Variants in MAP4K3 observed in about 807,000 individuals in gnomAD.
MAP4K3 encodes the protein MAPK/ERK kinase kinase kinase 3.
MAP4K3 carries 94 observed loss-of-function variants against 143.5 expected under a neutral mutation model. That is an observed-to-expected ratio of 0.65 (90% CI 0.55 to 0.78). The LOEUF (loss-of-function observed/expected upper bound fraction) is 0.78. Among genes scored for constraint, MAP4K3 ranks in the 30% least tolerant of loss-of-function variants. MAP4K3 has a pLI of 0.00. For synonymous variants in MAP4K3, 416 were observed against 347.2 expected (o/e 1.20, Z -2.20); for missense variants, 1,077 against 1,068.1 (o/e 1.01, Z -0.12).
chr2:39,436,822 G>T, intron 1 of MAP4K3, 70 bp downstream of exon 1: 2 of 1,371,940 alleles, frequency 1.5e-6, no homozygotes, highest in Non-Finnish European at 1.0e-6. Context: ...GGCGGCAAGG[G>T]CTCGGACGCC....
intron 29 of MAP4K3, among the ~76,000 whole-genome samples, chr2:39,259,183 G>A (rs912253988): frequency 6.6e-6 from 1 of 151,944 alleles, no homozygotes; most frequent in Non-Finnish European, 1.5e-5. Flanking sequence ...TTTAGAGATG[G>A]GGTCCTGCTA....
At chr2:39,262,876 G>A (rs922905298) in intron 28 of MAP4K3, among the ~76,000 whole-genome samples, 4 of 152,050 alleles carry the variant, frequency 2.6e-5, no homozygotes, top group Admixed American at 1.3e-4. Flanking sequence ...AGTATGACGC[G>A]GGTGGATCAC....
At chr2:39,395,419 T>C (rs1050240263) in intron 1 of MAP4K3, among the ~76,000 whole-genome samples, 3 of 152,174 alleles carry the variant, frequency 2.0e-5, no homozygotes, top group Non-Finnish European at 4.4e-5. Flanking sequence ...TTTTCCACTA[T>C]CTGATAATGC....
chr2:39,331,879 T>C (rs757223163), intron 8 of MAP4K3, 38 bp downstream of exon 8: 9 of 1,308,568 alleles, frequency 6.9e-6, no homozygotes, highest in East Asian at 4.7e-5. Context: ...CCAATAATGA[T>C]AGAACAAAGT....
chr2:39,305,905 C>CT (rs1241963238), intron 15 of MAP4K3, among the ~76,000 whole-genome samples: 1 of 151,924 alleles, frequency 6.6e-6, no homozygotes, highest in East Asian at 1.9e-4. Context: ...TCTTGGCTCA[C>CT]TGCAACCTCC....
chr2:39,271,547 T>C (rs1157257539), intron 26 of MAP4K3, among the ~76,000 whole-genome samples: 1 of 152,132 alleles, frequency 6.6e-6, no homozygotes, highest in Admixed American at 6.6e-5. Flanking sequence ...AATAACAAAT[T>C]ACTGAAACTA....
intron 1 of MAP4K3, among the ~76,000 whole-genome samples, chr2:39,407,051 TAAG>T (rs1667115853): frequency 6.6e-6 from 1 of 152,162 alleles, no homozygotes; most frequent in Admixed American, 6.5e-5. Flanking sequence ...GTATTTATCC[TAAG>T]AATACAAGGT....
intron 5 of MAP4K3, among the ~76,000 whole-genome samples, 195 bp from the exon 6 acceptor site, chr2:39,337,162 T>C (rs1358785173): frequency 6.6e-6 from 1 of 152,058 alleles, no homozygotes; most frequent in Non-Finnish European, 1.5e-5. Context: ...TAAGAAAATT[T>C]TCAGTGAATT....
chr2:39,384,000 A>G (rs539039495), intron 1 of MAP4K3, among the ~76,000 whole-genome samples: 38 of 152,016 alleles, frequency 2.5e-4, no homozygotes, highest in Admixed American at 2.2e-3. Flanking sequence ...AGTCCCAGTT[A>G]CCCAAGAGGC....
At chr2:39,278,830 A>G (rs17505877) in intron 23 of MAP4K3, among the ~76,000 whole-genome samples, 5,173 of 152,236 alleles carry the variant, frequency 0.034, 130 homozygotes, top group South Asian at 0.055. Context: ...GACATACAGA[A>G]TATAAAATCG....
At chr2:39,334,061 G>C (rs1683781206) in intron 6 of MAP4K3, among the ~76,000 whole-genome samples, 1 of 151,728 alleles carries the variant, frequency 6.6e-6, no homozygotes, top group African/African-American at 2.4e-5. Context: ...TGGTATGTGA[G>C]ACTGTACCTT....
intron 15 of MAP4K3, 76 bp downstream of exon 15, chr2:39,307,867 C>T: frequency 8.6e-7 from 1 of 1,158,040 alleles, no homozygotes; most frequent in Non-Finnish European, 1.2e-6. Flanking sequence ...TTTAATTGGA[C>T]AAAATGTTTG....
chr2:39,302,082 A>G (rs913443530), intron 15 of MAP4K3, among the ~76,000 whole-genome samples: 4 of 152,116 alleles, frequency 2.6e-5, no homozygotes, highest in African/African-American at 7.2e-5. Context: ...GTTCAGCAGT[A>G]TATTTAGAAA....
At chr2:39,280,758 A>G (rs1164378236) in intron 22 of MAP4K3, among the ~76,000 whole-genome samples, 6 of 152,158 alleles carry the variant, frequency 3.9e-5, no homozygotes, top group Non-Finnish European at 8.8e-5. Context: ...TGGTTTTATG[A>G]GCCTAAAAAT....
At chr2:39,432,362 A>C (rs1479302035) in intron 1 of MAP4K3, among the ~76,000 whole-genome samples, 1 of 152,198 alleles carries the variant, frequency 6.6e-6, no homozygotes, top group African/African-American at 2.4e-5. Context: ...TAGAAAAATT[A>C]CCTCGCTACC....
chr2:39,265,268 C>T lies in MAP4K3; in HGVS notation c.2071G>A (p.Ala691Thr). Residue 691 changes from alanine to threonine, a missense_variant, in exon 28 of 34, where the codon GCA becomes ACA. Ala to Thr is a moderately conservative substitution (Grantham distance 58). Coordinates refer to ENST00000263881, the MANE Select transcript of MAP4K3 (RefSeq NM_003618.4). ...PYTGHKYLCG[A>T]LQTSIVLLEW... ...AATAGAACAATGCTAGTCTGAAGTG[C>T]TCCACATAGGTATTTATGGCCCGTG... 2 of 1,613,376 alleles carry T rather than the reference C, an allele frequency of 1.2e-6. No homozygotes were observed. Among genetic ancestry groups the T allele is most frequent in the Non-Finnish European group, 1.7e-6 (2 of 1,179,436 alleles).
chr2:39,418,388 A>G (rs1442137094), intron 1 of MAP4K3, among the ~76,000 whole-genome samples: 1 of 152,174 alleles, frequency 6.6e-6, no homozygotes, highest in Admixed American at 6.5e-5. Flanking sequence ...CTGAATAAAT[A>G]CATAAATGAG....
rs1682130925 is a variant in MAP4K3, at chr2:39,293,295, A to G, written c.1179-27T>C. The G allele has an allele frequency of 2.3e-6, 3 of 1,319,504 alleles. No individual in the cohort carries two copies. The East Asian group carries it at 7.4e-5, about 33-fold the overall frequency. The allele number at this position is 1,319,504 out of a possible 1,614,324, so 81.7% of individuals were successfully genotyped here. A position where few individuals can be genotyped will look rare whatever the true frequency, so the allele number is the denominator to read the frequency against. Reference sequence around the variant, plus strand: ...TTAAAAGAAAAAACAAAAACAAAAAATAATGTGAATAAATTATCAAAGGAA... The same window carrying G: ...TTAAAAGAAAAAACAAAAACAAAAAGTAATGTGAATAAATTATCAAAGGAA... On this transcript the variant is annotated intron_variant, in intron 16 of 33. Transcript: ENST00000263881.
intron 12 of MAP4K3, among the ~76,000 whole-genome samples, chr2:39,324,580 A>C (rs1683426703): frequency 6.6e-6 from 1 of 152,196 alleles, no homozygotes; most frequent in South Asian, 2.1e-4. Context: ...GAATTGATAG[A>C]AAGGTTCTCT....
Sources: allele counts gnomAD v4.1 joint callset (sites outside exome capture counted in the v4.1 genomes callset), GRCh38; gene constraint gnomAD v4.1.1; transcripts MANE v1.5; gene names NCBI Gene and HGNC (gene_info 2026-07-23, HGNC 2026-07-21).